MRPL3: variants seen among roughly 807,000 people sequenced by gnomAD.
MRPL3 encodes the protein mitochondrial ribosomal protein L3.
A neutral mutation model predicts 44.3 loss-of-function variants in MRPL3; 43 were observed. The ratio of observed to expected loss-of-function variants is 0.97; its 90% CI spans 0.76 to 1.25. MRPL3 has a LOEUF of 1.25. Among genes scored for constraint, MRPL3 ranks in the 50% most tolerant of loss-of-function variants. MRPL3 has a pLI of 0.00. For synonymous variants in MRPL3, 171 were observed against 152.3 expected (o/e 1.12, Z -0.91); for missense variants, 406 against 427.6 (o/e 0.95, Z 0.45).
chr3:131,487,794 C>T, intron 5 of MRPL3, 54 bp from the exon 6 acceptor site: 1 of 1,405,516 alleles, frequency 7.1e-7, no homozygotes, highest in African/African-American at 1.4e-5. Flanking sequence ...ACAGAAACAA[C>T]TTTATTCAAC....
chr3:131,497,973 G>C (rs551978926), intron 4 of MRPL3: 2 of 565,686 alleles, frequency 3.5e-6, no homozygotes, highest in Non-Finnish European at 6.2e-6. Context: ...ACTTGTTCCA[G>C]ATACAGGGAG....
chr3:131,493,136 T>C (rs1934294924), intron 4 of MRPL3, among the ~76,000 whole-genome samples: 1 of 152,170 alleles, frequency 6.6e-6, no homozygotes. Flanking sequence ...CTATGTATGC[T>C]TTCCTGAATC....
chr3:131,472,478 A>C (rs1933762423), intron 6 of MRPL3, among the ~76,000 whole-genome samples: 1 of 152,202 alleles, frequency 6.6e-6, no homozygotes, highest in Non-Finnish European at 1.5e-5. Flanking sequence ...CAAAGGCCAT[A>C]TATGACAAAC....
At chr3:131,501,930 GAAA>G in intron 1 of MRPL3, 1 of 1,533,594 alleles carries the variant, frequency 6.5e-7, no homozygotes, top group Non-Finnish European at 8.7e-7. Flanking sequence ...TTACCCTGGA[GAAA>G]AAAATTCATC....
At chr3:131,501,798 G>C in intron 1 of MRPL3, 83 bp from the exon 2 acceptor site, 1 of 1,590,720 alleles carries the variant, frequency 6.3e-7, no homozygotes, top group Non-Finnish European at 8.5e-7. Flanking sequence ...GTCACAAATT[G>C]GAAAGTGTAG....
chr3:131,502,814 C>T lies in MRPL3; in HGVS notation c.8G>A (p.Gly3Asp). 3 of 1,612,294 alleles carry T rather than the reference C, an allele frequency of 1.9e-6. No individual in the cohort carries two copies. The highest frequency in any genetic ancestry group is 8.5e-7 in the Non-Finnish European group (1 of 1,179,454). ...GCCGACCTGCGTCAGCAGCCTCCAACCCGGCATGGATTAGCCCGGGAAGAC... is the reference window on the plus strand; with the variant it reads ...GCCGACCTGCGTCAGCAGCCTCCAATCCGGCATGGATTAGCCCGGGAAGAC... MP[G>D]WRLLTQVGAQ... The change falls in exon 1 of 10, where the codon GGT (glycine) becomes GAT (aspartate). Residue 3 changes from glycine (G) to aspartate (D), a missense_variant. Coordinates refer to ENST00000264995, the MANE Select transcript of MRPL3 (RefSeq NM_007208.4).
chr3:131,500,926 T>C (rs915489054), intron 2 of MRPL3, among the ~76,000 whole-genome samples: 1 of 152,230 alleles, frequency 6.6e-6, no homozygotes, highest in African/African-American at 2.4e-5. Context: ...ATGCCACAAC[T>C]GGTCATACAT....
intron 9 of MRPL3, among the ~76,000 whole-genome samples, chr3:131,465,888 TC>T: frequency 8.4e-6 from 1 of 118,562 alleles, no homozygotes; most frequent in African/African-American, 3.5e-5. Flanking sequence ...TTTCTTTTTC[TC>T]TCTTTTTTTT....
intron 6 of MRPL3, among the ~76,000 whole-genome samples, chr3:131,471,556 AG>A (rs1295934859): frequency 1.3e-5 from 2 of 152,202 alleles, no homozygotes; most frequent in African/African-American, 4.8e-5. Context: ...TTATCTGAAC[AG>A]GAGTTTTATC....
chr3:131,484,956 G>A (rs886147745), intron 6 of MRPL3, among the ~76,000 whole-genome samples: 7 of 152,090 alleles, frequency 4.6e-5, no homozygotes, highest in Non-Finnish European at 1.0e-4. Context: ...AAGTTAAACA[G>A]AATATTGTAT....
chr3:131,466,413 C>T (rs745462056), intron 9 of MRPL3, among the ~76,000 whole-genome samples: 55 of 152,166 alleles, frequency 3.6e-4, no homozygotes, highest in Non-Finnish European at 5.4e-4. Context: ...GAATAAACCC[C>T]AGGCAGAATA....
intron 7 of MRPL3, among the ~76,000 whole-genome samples, chr3:131,470,920 C>A (rs563614950): frequency 6.6e-6 from 1 of 152,176 alleles, no homozygotes; most frequent in African/African-American, 2.4e-5. Flanking sequence ...GCACAAAGTA[C>A]ATTTTAAATT....
At chr3:131,494,986 A>G (rs1451101115) in intron 4 of MRPL3, among the ~76,000 whole-genome samples, 2 of 152,198 alleles carry the variant, frequency 1.3e-5, no homozygotes, top group Non-Finnish European at 2.9e-5. Flanking sequence ...GATTTAATCA[A>G]TGTTTAAGGC....
chr3:131,474,500 G>A (rs1054391525), intron 6 of MRPL3, among the ~76,000 whole-genome samples: 3 of 152,082 alleles, frequency 2.0e-5, no homozygotes, highest in Admixed American at 6.6e-5. Context: ...ATGGTTAACA[G>A]TAAATTATTA....
At chr3:131,492,170 T>C (rs920085061) in intron 4 of MRPL3, among the ~76,000 whole-genome samples, 3 of 152,196 alleles carry the variant, frequency 2.0e-5, no homozygotes, top group African/African-American at 7.2e-5. Context: ...CAATCTGAAA[T>C]AGCATCATTT....
chr3:131,498,052 C>A, intron 4 of MRPL3, 127 bp downstream of exon 4: 1 of 747,766 alleles, frequency 1.3e-6, no homozygotes, highest in Non-Finnish European at 2.3e-6. Flanking sequence ...CTGCCTCCCC[C>A]AAATACACAA....
chr3:131,476,497 T>C (rs1453759308), intron 6 of MRPL3, among the ~76,000 whole-genome samples: 1 of 152,152 alleles, frequency 6.6e-6, no homozygotes, highest in Admixed American at 6.5e-5. Context: ...AAAAATAATA[T>C]ACAACATACT....
At chr3:131,464,587 G>A (rs1369623564) in intron 9 of MRPL3, among the ~76,000 whole-genome samples, 2 of 152,024 alleles carry the variant, frequency 1.3e-5, no homozygotes, top group South Asian at 2.1e-4. Flanking sequence ...CAAAAGCCAG[G>A]CAAATCTGAA....
Position 131,500,581 on chromosome 3 carries a change from G to T in MRPL3, c.278-60C>A. On this transcript the variant is annotated intron_variant, in intron 2 of 9. Coordinates refer to ENST00000264995, the MANE Select transcript of MRPL3 (RefSeq NM_007208.4). ...CTTTTGCAACATTCACCAACATTATGAAATCGTTTTTCCTAAAATCAGGTT... is the reference window on the plus strand; with the variant it reads ...CTTTTGCAACATTCACCAACATTATTAAATCGTTTTTCCTAAAATCAGGTT... 3 of 1,419,862 alleles carry T rather than the reference G, an allele frequency of 2.1e-6. 1 individual carries two copies. The South Asian group carries it at 3.5e-5, about 16-fold the overall frequency. The allele number at this position is 1,419,862 out of a possible 1,614,324, so 88.0% of individuals were successfully genotyped here. A position where few individuals can be genotyped will look rare whatever the true frequency, so the allele number is the denominator to read the frequency against.
Sources: allele counts gnomAD v4.1 joint callset (sites outside exome capture counted in the v4.1 genomes callset), GRCh38; gene constraint gnomAD v4.1.1; transcripts MANE v1.5; gene names NCBI Gene and HGNC (gene_info 2026-07-23, HGNC 2026-07-21).